GRID2: variants seen among roughly 807,000 people sequenced by gnomAD.
GRID2 encodes the protein glutamate ionotropic receptor delta type subunit 2.
GRID2 carries 33 observed loss-of-function variants against 114.8 expected under a neutral mutation model. The observed-to-expected ratio is 0.29, with a 90% CI of 0.22 to 0.38. GRID2 has a LOEUF of 0.38. GRID2 is among the 10% of genes least tolerant of loss of function. The pLI, the probability that GRID2 is intolerant of heterozygous loss-of-function variation, is 1.00. For missense variants in GRID2, 1,184 were observed against 1,257.7 expected (o/e 0.94, Z 0.89); for synonymous variants, 505 against 449.9 (o/e 1.12, Z -1.55).
chr4:93,265,060 C>T (rs889435783), intron 8 of GRID2, among the ~76,000 whole-genome samples: 3 of 151,680 alleles, frequency 2.0e-5, no homozygotes, highest in Non-Finnish European at 2.9e-5. Flanking sequence ...GGATTACAGG[C>T]ATGAGCCACC....
At chr4:93,712,003 T>G (rs1443184918) in intron 14 of GRID2, among the ~76,000 whole-genome samples, 1 of 151,412 alleles carries the variant, frequency 6.6e-6, no homozygotes, top group Non-Finnish European at 1.5e-5. Flanking sequence ...AGCTTTTCAG[T>G]TTTTTTGTTG....
chr4:93,187,786 C>T (rs1022651352), intron 4 of GRID2, among the ~76,000 whole-genome samples: 3 of 152,042 alleles, frequency 2.0e-5, no homozygotes, highest in Non-Finnish European at 4.4e-5. Context: ...ATTTCCATTC[C>T]AAAAAGAAGA....
chr4:93,649,338 C>A (rs1375154651), intron 14 of GRID2, among the ~76,000 whole-genome samples: 1 of 152,118 alleles, frequency 6.6e-6, no homozygotes, highest in Non-Finnish European at 1.5e-5. Flanking sequence ...CAGACTTTCA[C>A]CTAAGCCAAT....
At chr4:92,481,204 T>G (rs1423088362) in intron 1 of GRID2, among the ~76,000 whole-genome samples, 7 of 152,152 alleles carry the variant, frequency 4.6e-5, no homozygotes, top group Non-Finnish European at 1.5e-5. Context: ...AATTGTTTAT[T>G]ATCTTTAATT....
chr4:93,571,750 T>A (rs1267818724), intron 13 of GRID2, among the ~76,000 whole-genome samples: 2 of 152,076 alleles, frequency 1.3e-5, no homozygotes, highest in Admixed American at 6.6e-5. Flanking sequence ...TAGTAATGCA[T>A]AGCTCAACAT....
chr4:93,635,321 T>A (rs941284230), intron 14 of GRID2, among the ~76,000 whole-genome samples: 1 of 150,262 alleles, frequency 6.7e-6, no homozygotes, highest in Non-Finnish European at 1.5e-5. Context: ...ATTTGAAGAG[T>A]CTCAAAATAA....
intron 8 of GRID2, among the ~76,000 whole-genome samples, chr4:93,252,329 ATTTTTT>A (rs56056248): frequency 2.5e-5 from 3 of 119,760 alleles, no homozygotes; most frequent in African/African-American, 6.5e-5. Flanking sequence ...GGAATCCTTC[ATTTTTT>A]TTTTTTTTTT....
At chr4:93,113,193 T>G (rs914172807) in intron 4 of GRID2, among the ~76,000 whole-genome samples, 1 of 152,236 alleles carries the variant, frequency 6.6e-6, no homozygotes, top group Non-Finnish European at 1.5e-5. Context: ...TAGTACTTAC[T>G]ATCTTCTTAC....
intron 2 of GRID2, among the ~76,000 whole-genome samples, chr4:93,043,482 A>G (rs1725801467): frequency 2.0e-5 from 3 of 152,180 alleles, no homozygotes; most frequent in Admixed American, 2.0e-4. Context: ...GGCTTCACAG[A>G]CTATGGCCAA....
intron 14 of GRID2, among the ~76,000 whole-genome samples, chr4:93,693,935 A>G (rs1317640070): frequency 6.6e-6 from 1 of 152,202 alleles, no homozygotes; most frequent in Non-Finnish European, 1.5e-5. Flanking sequence ...CAAGAAATAT[A>G]AATCAAGACA....
At chr4:93,473,075 T>A (rs1286499990) in intron 11 of GRID2, among the ~76,000 whole-genome samples, 1 of 152,224 alleles carries the variant, frequency 6.6e-6, no homozygotes, top group Non-Finnish European at 1.5e-5. Flanking sequence ...TAGTACATCC[T>A]TGACATCTAT....
At chr4:93,377,880 T>C (rs1375096375) in intron 8 of GRID2, among the ~76,000 whole-genome samples, 1 of 152,176 alleles carries the variant, frequency 6.6e-6, no homozygotes, top group Non-Finnish European at 1.5e-5. Flanking sequence ...CTTCTGATTG[T>C]GTAATAAAAG....
intron 1 of GRID2, among the ~76,000 whole-genome samples, chr4:92,356,866 G>A (rs934388165): frequency 6.6e-6 from 1 of 151,624 alleles, no homozygotes; most frequent in African/African-American, 2.4e-5. Flanking sequence ...TATTTGTCTT[G>A]GGTCATACAT....
intron 14 of GRID2, among the ~76,000 whole-genome samples, chr4:93,668,213 T>C (rs2149747784): frequency 6.6e-6 from 1 of 152,148 alleles, no homozygotes; most frequent in African/African-American, 2.4e-5. Context: ...TCTGTCTTTA[T>C]AAACAGAGTA....
chr4:92,499,580 G>A (rs1413740511), intron 1 of GRID2, among the ~76,000 whole-genome samples: 1 of 152,044 alleles, frequency 6.6e-6, no homozygotes, highest in Non-Finnish European at 1.5e-5. Flanking sequence ...AATAGTGTAG[G>A]TAGGTGATAC....
intron 14 of GRID2, among the ~76,000 whole-genome samples, chr4:93,698,488 G>A (rs758332254): frequency 2.6e-5 from 4 of 151,968 alleles, no homozygotes; most frequent in Admixed American, 6.6e-5. Flanking sequence ...ATTTCTATTC[G>A]TGAGAGTAGA....
chr4:93,620,727 G>C (rs1335093098), intron 13 of GRID2, among the ~76,000 whole-genome samples: 1 of 152,118 alleles, frequency 6.6e-6, no homozygotes, highest in Non-Finnish European at 1.5e-5. Flanking sequence ...TTCTTCACCT[G>C]ACAAATGGAA....
chr4:93,362,486 A>T (rs1268870731), intron 8 of GRID2, among the ~76,000 whole-genome samples: 1 of 151,580 alleles, frequency 6.6e-6, no homozygotes, highest in Admixed American at 6.6e-5. Flanking sequence ...CCCCTTTTGG[A>T]ATGGTTGATT....
intron 8 of GRID2, chr4:93,319,551 A>ATTGCAT (rs1412399791): frequency 2.0e-5 from 3 of 152,046 alleles, no homozygotes; most frequent in Non-Finnish European, 4.4e-5. Flanking sequence ...AAGGTTACTA[A>ATTGCAT]TTAGGTGACT....
Sources: gnomAD v4.1 joint callset for allele counts (sites outside exome capture counted in the v4.1 genomes callset) on GRCh38, gnomAD v4.1.1 for gene constraint, MANE v1.5 for transcripts, NCBI Gene and HGNC (gene_info 2026-07-23, HGNC 2026-07-21) for gene names.